Variants in THSD7B observed in about 807,000 individuals in gnomAD.
The protein encoded by THSD7B is thrombospondin type-1 domain-containing protein 7B.
In THSD7B, 138 loss-of-function variants were observed where a neutral mutation model predicts 213.6. That is an observed-to-expected ratio of 0.65 (90% confidence interval 0.56 to 0.74). The LOEUF (loss-of-function observed/expected upper bound fraction) is 0.74, where lower values mean the gene tolerates loss of function less well. THSD7B is among the 30% of genes least tolerant of loss of function. The pLI is 0.00. For synonymous variants in THSD7B, 742 were observed against 687.0 expected (o/e 1.08, Z -1.25); for missense variants, 1,931 against 1,991.5 (o/e 0.97, Z 0.58).
At chr2:137,162,697 C>A (rs1304095205) in intron 6 of THSD7B, among the ~76,000 whole-genome samples, 1 of 151,914 alleles carries the variant, frequency 6.6e-6, no homozygotes, top group African/African-American at 2.4e-5. Context: ...TCTTTCCTTT[C>A]TTTCCTTCCT....
At chr2:137,483,666 G>A (rs538975818) in intron 15 of THSD7B, among the ~76,000 whole-genome samples, 1 of 152,242 alleles carries the variant, frequency 6.6e-6, no homozygotes, top group South Asian at 2.1e-4. Flanking sequence ...GTTAGGGAAG[G>A]TTTTATAAAA....
rs55940004 is a variant in THSD7B at position 137,675,403 on chromosome 2, C to CATATAT, written c.4740-1082_4740-1077dup. ...TTTCTACCAAGTGCTAAATGAATGC[C>CATATAT]ATATATATATATATATATATATATA... On this transcript the variant is annotated intron_variant, in intron 27 of 27. Coordinates refer to ENST00000409968, the MANE Select transcript of THSD7B (RefSeq NM_001316349.2). Among the ~76,000 whole-genome samples, 237 of 116,434 alleles carry CATATAT rather than the reference C, an allele frequency of 2.0e-3. 4 individuals are homozygous for CATATAT. Among genetic ancestry groups the CATATAT allele is most frequent in the African/African-American group, 3.3e-3 (83 of 25,366 alleles). The allele number at this position is 116,434 out of a possible 152,430, so 76.4% of individuals were successfully genotyped here.
chr2:136,959,332 T>C (rs1685180809), intron 2 of THSD7B, among the ~76,000 whole-genome samples: 1 of 152,218 alleles, frequency 6.6e-6, no homozygotes, highest in Admixed American at 6.5e-5. Context: ...CTTCTCTCGA[T>C]CAGTAGCTTA....
chr2:136,974,781 C>T (rs1004152242), intron 2 of THSD7B, among the ~76,000 whole-genome samples: 3 of 152,126 alleles, frequency 2.0e-5, no homozygotes, highest in Non-Finnish European at 4.4e-5. Flanking sequence ...CCATGCTTTC[C>T]TCCACAATGA....
intron 12 of THSD7B, among the ~76,000 whole-genome samples, chr2:137,382,084 T>C (rs1014725079): frequency 2.0e-5 from 3 of 152,134 alleles, no homozygotes; most frequent in African/African-American, 7.2e-5. Flanking sequence ...CACTTGACGA[T>C]TGAATTGGGA....
intron 20 of THSD7B, among the ~76,000 whole-genome samples, chr2:137,626,463 C>CAAAA (rs34778966): frequency 2.1e-5 from 2 of 93,642 alleles, no homozygotes; most frequent in Non-Finnish European, 4.5e-5. Flanking sequence ...GACTCTGTCT[C>CAAAA]AAAAAAAAAA....
At chr2:137,303,673 A>AAT (rs1491251947) in intron 12 of THSD7B, among the ~76,000 whole-genome samples, 1 of 107,516 alleles carries the variant, frequency 9.3e-6, no homozygotes, top group Non-Finnish European at 1.8e-5. Context: ...TATATATATT[A>AAT]ATATATATAT....
chr2:137,555,782 T>C (rs2105213069), intron 15 of THSD7B, among the ~76,000 whole-genome samples: 1 of 152,000 alleles, frequency 6.6e-6, no homozygotes, highest in South Asian at 2.1e-4. Context: ...CGCAAAGAAG[T>C]TAAAAACCTT....
intron 15 of THSD7B, among the ~76,000 whole-genome samples, chr2:137,542,308 A>G (rs1166296399): frequency 6.6e-6 from 1 of 151,742 alleles, no homozygotes; most frequent in African/African-American, 2.4e-5. Flanking sequence ...GCAAATTTAA[A>G]ATGCTGAGAA....
In THSD7B at chr2:137,667,840, T is replaced by C. The variant is rs372538901; in HGVS notation, c.4718T>C (p.Ile1573Thr). 2.1e-5 allele frequency: 34 copies of C among 1,598,238 alleles called. No individual in the cohort carries two copies. Among genetic ancestry groups the C allele is most frequent in the Non-Finnish European group, 2.7e-5 (32 of 1,171,312 alleles). Residue 1573 changes from isoleucine (I) to threonine (T), a missense_variant, in exon 27 of 28, where the codon ATA (isoleucine) becomes ACA (threonine). Coordinates refer to ENST00000409968, the MANE Select transcript of THSD7B (RefSeq NM_001316349.2). ...GGAFLIMIFL[I>T]FTSYLVCKKP... ...GCTTTTCTCATCATGATTTTCCTAA[T>C]ATTTACTTCCTACCTTGTTTGGTAA...
intron 2 of THSD7B, among the ~76,000 whole-genome samples, chr2:136,946,110 G>C (rs1389032901): frequency 6.6e-6 from 1 of 152,074 alleles, no homozygotes; most frequent in Non-Finnish European, 1.5e-5. Flanking sequence ...ATCTACCTTT[G>C]GTCTTTGATG....
chr2:137,595,822 A>G lies in THSD7B; in HGVS notation c.3424-20353A>G, dbSNP rs1274834430. 2.0e-5 allele frequency among the ~76,000 whole-genome samples: 3 copies of G among 151,952 alleles called. No homozygotes were observed. In the East Asian group the frequency reaches 5.8e-4, roughly 29 times the overall value. ...ATCACACAAAACTTTAAAAAATAAT[A>G]TTATTACAAACTTCAAGTGAAGGTT... is the stretch of plus-strand genomic sequence containing the variant. On this transcript the variant is annotated intron_variant, in intron 17 of 27. Transcript: ENST00000409968.
chr2:137,201,172 T>C (rs1680868157), intron 7 of THSD7B, among the ~76,000 whole-genome samples: 2 of 152,176 alleles, frequency 1.3e-5, no homozygotes, highest in Admixed American at 1.3e-4. Flanking sequence ...TTGATTCCAT[T>C]TTGATGGCCA....
chr2:137,307,844 C>A (rs764603915), intron 12 of THSD7B, among the ~76,000 whole-genome samples: 23 of 152,050 alleles, frequency 1.5e-4, no homozygotes, highest in Non-Finnish European at 3.1e-4. Flanking sequence ...GTTAGTCAGG[C>A]AACTCCGGAA....
chr2:137,674,668 A>T (rs1462050784), intron 27 of THSD7B, among the ~76,000 whole-genome samples: 1 of 152,218 alleles, frequency 6.6e-6, no homozygotes, highest in African/African-American at 2.4e-5. Context: ...GGACCTGGAA[A>T]GCAGGAAATT....
intron 17 of THSD7B, among the ~76,000 whole-genome samples, chr2:137,577,477 T>C (rs964851778): frequency 2.0e-5 from 3 of 152,130 alleles, no homozygotes; most frequent in Non-Finnish European, 4.4e-5. Context: ...TCAATTTCCA[T>C]CTGTCTCTCC....
At chr2:137,247,193 G>A (rs748369605) in intron 10 of THSD7B, among the ~76,000 whole-genome samples, 1 of 152,084 alleles carries the variant, frequency 6.6e-6, no homozygotes, top group Non-Finnish European at 1.5e-5. Flanking sequence ...ATTATCCTTT[G>A]TATGATTTAT....
chr2:137,673,546 G>GA (rs373204757), intron 27 of THSD7B, among the ~76,000 whole-genome samples: 2 of 152,246 alleles, frequency 1.3e-5, no homozygotes, highest in African/African-American at 2.4e-5. Context: ...AGTGGAGGAG[G>GA]AAAAAATAAG....
chr2:137,562,355 A>G (rs895371174), intron 15 of THSD7B, among the ~76,000 whole-genome samples: 1 of 152,102 alleles, frequency 6.6e-6, no homozygotes, highest in Non-Finnish European at 1.5e-5. Flanking sequence ...TCTTACCTAG[A>G]AAGAGCACTG....
Sources: gnomAD v4.1 joint callset for allele counts (sites outside exome capture counted in the v4.1 genomes callset) on GRCh38, gnomAD v4.1.1 for gene constraint, MANE v1.5 for transcripts, NCBI Gene and HGNC (gene_info 2026-07-23, HGNC 2026-07-21) for gene names.